RANBP1: variants seen among roughly 807,000 people sequenced by gnomAD.
The protein encoded by RANBP1 is ran-specific GTPase-activating protein.
In RANBP1, 16 loss-of-function variants were observed where a neutral mutation model predicts 31.4. That is an observed-to-expected ratio of 0.51 (90% CI 0.34 to 0.77). RANBP1 has a LOEUF of 0.77. RANBP1 is among the 30% of genes least tolerant of loss of function. RANBP1 has a pLI of 0.01. For synonymous variants in RANBP1, 129 were observed against 140.5 expected (o/e 0.92, Z 0.58); for missense variants, 265 against 362.0 (o/e 0.73, Z 2.17).
chr22:20,125,010 G>C lies in RANBP1; in HGVS notation c.542-298G>C, dbSNP rs988976926. On this transcript the variant is annotated intron_variant, in intron 3 of 5. Transcript: ENST00000430524. ...GGAGGTGGGGGTCTGTGTGCCAAGTGATCTTGAACACAGCTCAGGAGCTCC... is the reference window on the plus strand; with the variant it reads ...GGAGGTGGGGGTCTGTGTGCCAAGTCATCTTGAACACAGCTCAGGAGCTCC... 8.0e-6 allele frequency: 3 copies of C among 376,626 alleles called. 1 individual carries two copies. The highest frequency in any genetic ancestry group is 5.0e-5 in the South Asian group (2 of 39,650). 23.3% of individuals were successfully genotyped at this position (376,626 alleles called of 1,614,324 possible).
At chr22:20,123,748 G>A (rs1428063453) in intron 3 of RANBP1, among the ~76,000 whole-genome samples, 3 of 152,026 alleles carry the variant, frequency 2.0e-5, no homozygotes, top group Non-Finnish European at 4.4e-5. Flanking sequence ...CTGCAAAGAA[G>A]TGGCAGTAGG....
intron 2 of RANBP1, 128 bp from the exon 3 acceptor site, chr22:20,122,136 C>A: frequency 9.8e-7 from 1 of 1,019,624 alleles, no homozygotes; most frequent in Non-Finnish European, 1.4e-6. Context: ...TTCTTGGAGC[C>A]TGAAGAAGGG....
chr22:20,126,762 A>G, intron 5 of RANBP1, 190 bp from the exon 6 acceptor site: 1 of 1,355,112 alleles, frequency 7.4e-7, no homozygotes. Context: ...GAGTGCATCC[A>G]CCTGGCTTCC....
At chr22:20,126,830 T>G in intron 5 of RANBP1, 122 bp from the exon 6 acceptor site, 1 of 1,393,328 alleles carries the variant, frequency 7.2e-7, no homozygotes, top group Non-Finnish European at 9.9e-7. Context: ...CAGGCAGGAG[T>G]CTGTCCCGAG....
At position 20,127,027 on chromosome 22, in the gene RANBP1, A is replaced by G. The variant is rs372271212; in HGVS notation, c.812A>G (p.Lys271Arg). The change falls in exon 6 of 6, where the codon AAG becomes AGG. Residue 271 changes from lysine (K) to arginine (R), a missense_variant. By Grantham distance (26) the Lys-to-Arg change is conservative. Coordinates refer to ENST00000430524, the MANE Select transcript of RANBP1 (RefSeq NM_001278639.2). ...LEALSVKEET[K>R]EDAEEKQ ...GCTCTCTCGGTGAAGGAGGAGACCA[A>G]GGAGGATGCTGAGGAGAAGCAATAA... 5.6e-6 allele frequency: 9 copies of G among 1,613,350 alleles called. No individual in the cohort carries two copies. Among genetic ancestry groups the G allele is most frequent in the South Asian group, 2.2e-5 (2 of 91,068 alleles).
chr22:20,118,855 G>T (rs1254944683), intron 1 of RANBP1, among the ~76,000 whole-genome samples, 158 bp from the exon 2 acceptor site: 1 of 152,242 alleles, frequency 6.6e-6, no homozygotes, highest in Non-Finnish European at 1.5e-5. Flanking sequence ...CTTTCCTAGT[G>T]TGGAAGAGTG....
chr22:20,118,886 G>T (rs772814073), intron 1 of RANBP1, 127 bp from the exon 2 acceptor site: 38 of 935,128 alleles, frequency 4.1e-5, no homozygotes, highest in Non-Finnish European at 5.7e-5. Context: ...CTTGCTTTGG[G>T]GTTGGGCCCA....
chr22:20,116,438 A>C lies in RANBP1; in HGVS notation c.246+8A>C. 2 of 1,612,758 alleles carry C rather than the reference A, an allele frequency of 1.2e-6. No individual in the cohort carries two copies. Among genetic ancestry groups the C allele is most frequent in the Non-Finnish European group, 1.7e-6 (2 of 1,179,808 alleles). ...AGTTTAAAGATCTCAGAGGTAAACA[A>C]GTCATCCCTGATGTAGCTGTAGAGC... On this transcript the variant is annotated splice_region_variant and intron_variant, in intron 1 of 5. Coordinates refer to ENST00000430524, the MANE Select transcript of RANBP1 (RefSeq NM_001278639.2).
At chr22:20,124,365 G>C (rs1204765014) in intron 3 of RANBP1, 1 of 152,254 alleles carries the variant, frequency 6.6e-6, no homozygotes, top group Non-Finnish European at 1.5e-5. Context: ...GTGTCGAAGA[G>C]GCTGTGGGCT....
chr22:20,122,445 C>T (rs755602506), intron 3 of RANBP1, 24 bp downstream of exon 3: 15 of 1,610,970 alleles, frequency 9.3e-6, no homozygotes, highest in South Asian at 2.2e-5. Context: ...ACGACCACCT[C>T]GACAGTCCCC....
In RANBP1 at chr22:20,119,414, T is replaced by C. The variant is rs549757790; in HGVS notation, c.383+265T>C. On this transcript the variant is annotated intron_variant, in intron 2 of 5. Coordinates refer to ENST00000430524, the MANE Select transcript of RANBP1 (RefSeq NM_001278639.2). ...GGCATGGCGGCCCCACTGCCCTTTT[T>C]TGCCACTGGCTTCTGAGGATCCAGG... 490 of 434,924 alleles carry C rather than the reference T, an allele frequency of 1.1e-3. 5 individuals are homozygous for C. The highest frequency in any genetic ancestry group is 9.1e-3 in the African/African-American group (461 of 50,500). The allele number at this position is 434,924 out of a possible 1,614,324, so 26.9% of individuals were successfully genotyped here.
intron 5 of RANBP1, chr22:20,126,682 C>G (rs1460519285): frequency 1.2e-5 from 18 of 1,504,484 alleles, no homozygotes; most frequent in Non-Finnish European, 1.6e-5. Context: ...TGCCATGAGG[C>G]TGGACTGCAG....
chr22:20,117,645 C>A, intron 1 of RANBP1: 5 of 1,247,162 alleles, frequency 4.0e-6, no homozygotes, highest in Non-Finnish European at 4.0e-6. Context: ...CGCCGCCGCG[C>A]CCCCATGGCG....
At chr22:20,117,570 A>G (rs1396591015) in intron 1 of RANBP1, 5 of 1,404,092 alleles carry the variant, frequency 3.6e-6, no homozygotes, top group Admixed American at 2.7e-5. Flanking sequence ...CGCGGAGGGA[A>G]GGAGCTACGA....
In RANBP1 at chr22:20,127,130, T is replaced by A; in HGVS notation, c.*78T>A. On this transcript the variant is annotated 3_prime_UTR_variant, in exon 6 of 6. Coordinates refer to ENST00000430524, the MANE Select transcript of RANBP1 (RefSeq NM_001278639.2). ...TTTTACCCTGCCCCTCTTTTTCGGTTTGTTTTTATTCTTTCATTTTTACAA... is the reference window on the plus strand; with the variant it reads ...TTTTACCCTGCCCCTCTTTTTCGGTATGTTTTTATTCTTTCATTTTTACAA... 8.2e-7 allele frequency: 1 copy of A among 1,220,212 alleles called. No individual in the cohort carries two copies. The highest frequency in any genetic ancestry group is 2.7e-5 in the East Asian group (1 of 37,674). The allele number at this position is 1,220,212 out of a possible 1,614,324, so 75.6% of individuals were successfully genotyped here. A position where few individuals can be genotyped will look rare whatever the true frequency, so the allele number is the denominator to read the frequency against.
At position 20,122,361 on chromosome 22, in the gene RANBP1, G is replaced by A. The variant is rs1191368966; in HGVS notation, c.481G>A (p.Gly161Arg). ...DVKLLKHKEK[G>R]AIRLLMRRDK... ...CAAGCTCCTGAAGCACAAGGAGAAAGGGGCCATCCGCCTCCTCATGCGGAG... is the reference window on the plus strand; with the variant it reads ...CAAGCTCCTGAAGCACAAGGAGAAAAGGGCCATCCGCCTCCTCATGCGGAG... Residue 161 changes from glycine (G) to arginine (R), a missense_variant, in exon 3 of 6, where the codon GGG becomes AGG. Physicochemically the swap from Gly to Arg is moderately radical, Grantham distance 125 (BLOSUM62 -2). Transcript: ENST00000430524. The A allele has an allele frequency of 6.8e-6, 11 of 1,613,158 alleles. No homozygotes were observed. Among genetic ancestry groups the A allele is most frequent in the Middle Eastern group, 1.6e-4 (1 of 6,062 alleles).
At chr22:20,116,538 A>C (rs1568975699) in intron 1 of RANBP1, 108 bp downstream of exon 1, 1 of 1,601,720 alleles carries the variant, frequency 6.2e-7, no homozygotes. Flanking sequence ...CCGGGGCTGC[A>C]GGGGGCACCG....
intron 2 of RANBP1, among the ~76,000 whole-genome samples, chr22:20,121,457 C>T (rs190362465): frequency 1.6e-3 from 244 of 152,202 alleles, no homozygotes; most frequent in African/African-American, 5.7e-3. Context: ...CCACGTTGGT[C>T]AGGCTGGTCT....
In RANBP1 at chr22:20,127,233, A is replaced by G; in HGVS notation, c.*181A>G. ...TTTCTAAGTTTTTGCCCTATTGAAG[A>G]TGACTTCAGAAAATCCATTCCCCAG... On this transcript the variant is annotated 3_prime_UTR_variant, in exon 6 of 6. Coordinates refer to ENST00000430524, the MANE Select transcript of RANBP1 (RefSeq NM_001278639.2). The G allele has an allele frequency of 2.2e-6, 1 of 449,366 alleles. No homozygotes were observed. Among genetic ancestry groups the G allele is most frequent in the Admixed American group, 3.9e-5 (1 of 25,362 alleles). The allele number at this position is 449,366 out of a possible 1,614,324, so 27.8% of individuals were successfully genotyped here.
Sources: gnomAD v4.1 joint callset for allele counts (sites outside exome capture counted in the v4.1 genomes callset) on GRCh38, gnomAD v4.1.1 for gene constraint, MANE v1.5 for transcripts, NCBI Gene and HGNC (gene_info 2026-07-23, HGNC 2026-07-21) for gene names.